The following RELN variants were observed in gnomAD, a reference collection of about 807,000 sequenced individuals.
RELN encodes reelin.
RELN carries 108 observed loss-of-function variants against 427.6 expected under a neutral mutation model. The ratio of observed to expected loss-of-function variants is 0.25; its 90% confidence interval spans 0.22 to 0.30. The LOEUF (loss-of-function observed/expected upper bound fraction) is 0.30, where lower values mean the gene tolerates loss of function less well. RELN is among the 10% of genes least tolerant of loss of function. RELN has a pLI of 1.00. For synonymous variants in RELN, 1,524 were observed against 1,513.4 expected (o/e 1.01, Z -0.16); for missense variants, 3,715 against 4,302.8 (o/e 0.86, Z 3.82).
chr7:103,744,228 A>T (rs1390435676), intron 6 of RELN, among the ~76,000 whole-genome samples: 2 of 152,228 alleles, frequency 1.3e-5, no homozygotes, highest in African/African-American at 4.8e-5. Context: ...GAACAAAGAC[A>T]CAACATACCA....
intron 8 of RELN, among the ~76,000 whole-genome samples, chr7:103,717,594 A>C (rs542429500): frequency 5.2e-4 from 79 of 152,172 alleles, no homozygotes; most frequent in African/African-American, 1.9e-3. Context: ...ACACGTATTT[A>C]ACCTTATAAA....
chr7:103,566,284 C>A lies in RELN; in HGVS notation c.4876G>T (p.Gly1626Cys), dbSNP rs576837100. Reference sequence around the variant, plus strand: ...GAGAGACAGTCAATATCAACTTGACCTCCTTGGATTCGATACCAGTTGGCT... The same window carrying A: ...GAGAGACAGTCAATATCAACTTGACATCCTTGGATTCGATACCAGTTGGCT... Reference protein sequence around the residue: ...LQANWYRIQGGQVDIDCLSMD... With the variant: ...LQANWYRIQGCQVDIDCLSMD... The change falls in exon 33 of 65, where the codon GGT becomes TGT. Residue 1626 changes from glycine to cysteine, a missense_variant. Physicochemically the swap from Gly to Cys is radical, Grantham distance 159 (BLOSUM62 -3). Coordinates refer to ENST00000428762, the MANE Select transcript of RELN (RefSeq NM_005045.4). The A allele has an allele frequency of 6.2e-7, 1 of 1,613,840 alleles. No individual in the cohort carries two copies. Among genetic ancestry groups the A allele is most frequent in the Admixed American group, 1.7e-5 (1 of 59,988 alleles).
At chr7:103,487,025 G>C (rs895473757) in intron 60 of RELN, among the ~76,000 whole-genome samples, 2 of 152,196 alleles carry the variant, frequency 1.3e-5, no homozygotes, top group Non-Finnish European at 2.9e-5. Flanking sequence ...ATCAATGTTA[G>C]ACTGGATAAA....
intron 46 of RELN, among the ~76,000 whole-genome samples, chr7:103,524,052 A>G (rs1829767921): frequency 6.6e-6 from 1 of 152,200 alleles, no homozygotes; most frequent in Admixed American, 6.5e-5. Context: ...TAGTTTGATC[A>G]TACAATTTGG....
rs1481853229 is a variant in RELN, at chr7:103,603,373, C to G, written c.3264G>C (p.Gly1088=). 2.5e-6 allele frequency: 4 copies of G among 1,613,722 alleles called. No homozygotes were observed. The highest frequency in any genetic ancestry group is 4.5e-5 in the East Asian group (2 of 44,884). Residue 1088 remains glycine (G), a synonymous_variant, in exon 24 of 65, where the codon GGG becomes GGC. Coordinates refer to ENST00000428762, the MANE Select transcript of RELN (RefSeq NM_005045.4). The surrounding 1 kb of genome is among the most constrained non-coding windows in gnomAD (Gnocchi z 4.3). ...GWESDWQEVI[G]GEIVKPEQGC... ...CTTGTTCTGGTTTTACAATTTCTCC[C>G]CCAATAACTTCTTGCCAGTCAGACT...
intron 1 of RELN, among the ~76,000 whole-genome samples, chr7:103,969,400 TAG>T (rs1190885275): frequency 6.6e-6 from 1 of 152,222 alleles, no homozygotes; most frequent in Non-Finnish European, 1.5e-5. Context: ...TAAAAACATT[TAG>T]AGAGTTCAGT....
At chr7:103,916,248 C>T (rs10274911) in intron 2 of RELN, among the ~76,000 whole-genome samples, 35,842 of 151,988 alleles carry the variant, frequency 0.24, 4,934 homozygotes, top group African/African-American at 0.37. Context: ...ATTTATTTGA[C>T]AAACATCATA....
At chr7:103,759,714 C>T (rs1271534228) in intron 4 of RELN, among the ~76,000 whole-genome samples, 1 of 152,122 alleles carries the variant, frequency 6.6e-6, no homozygotes. Context: ...TAAAGTGCAA[C>T]TAATGTATTG....
At chr7:103,736,987 AAAGAG>A (rs1276208157) in intron 6 of RELN, among the ~76,000 whole-genome samples, 1 of 152,206 alleles carries the variant, frequency 6.6e-6, no homozygotes, top group Admixed American at 6.5e-5. Context: ...GTTATTAACA[AAAGAG>A]AAGAAAAAGT....
At chr7:103,699,132 C>A (rs1455627408) in intron 9 of RELN, among the ~76,000 whole-genome samples, 1 of 152,018 alleles carries the variant, frequency 6.6e-6, no homozygotes, top group African/African-American at 2.4e-5. Context: ...TAGAAACCTG[C>A]TGTAGTAAAA....
At position 103,587,756 on chromosome 7, in the gene RELN, T is replaced by C. The variant is rs146620403; in HGVS notation, c.4145+1840A>G. 2.1e-3 allele frequency among the ~76,000 whole-genome samples: 314 copies of C among 152,088 alleles called. 1 individual carries two copies. Among genetic ancestry groups the C allele is most frequent in the Non-Finnish European group, 3.5e-3 (240 of 67,936 alleles). On this transcript the variant is annotated intron_variant, in intron 28 of 64. Transcript: ENST00000428762. The stretch of plus-strand genomic sequence containing the variant: ...CATTTCTCAAAAGAAGACATACAAA[T>C]GTGAAAAGGTATATGAAAAAATGTC...
chr7:103,862,665 C>T (rs923122088), intron 2 of RELN, among the ~76,000 whole-genome samples: 1 of 152,012 alleles, frequency 6.6e-6, no homozygotes. Flanking sequence ...TACATTTCTA[C>T]TGAAATAAAA....
intron 45 of RELN, among the ~76,000 whole-genome samples, chr7:103,536,881 C>G (rs1227970665): frequency 1.3e-5 from 2 of 152,134 alleles, no homozygotes; most frequent in African/African-American, 2.4e-5. Context: ...CTGGCACGTG[C>G]TGGATGCTGG....
Position 103,519,124 on chromosome 7 carries a change from G to C in RELN, c.7862+199C>G, listed in dbSNP as rs12672733. ...TGGTAGAATATTTCATCTTATTCTGGGATGTGAAAACTAGTTGTTCTTAAA... is the reference window on the plus strand; with the variant it reads ...TGGTAGAATATTTCATCTTATTCTGCGATGTGAAAACTAGTTGTTCTTAAA... On this transcript the variant is annotated intron_variant, in intron 49 of 64. Coordinates refer to ENST00000428762, the MANE Select transcript of RELN (RefSeq NM_005045.4). Among the ~76,000 whole-genome samples the C allele has an allele frequency of 0.053, 8,077 of 152,102 alleles. 249 individuals are homozygous for C. The highest frequency in any genetic ancestry group is 0.1 in the South Asian group (491 of 4,806).
At chr7:103,843,931 G>T (rs1190467325) in intron 2 of RELN, among the ~76,000 whole-genome samples, 1 of 152,140 alleles carries the variant, frequency 6.6e-6, no homozygotes. Flanking sequence ...CTTAACAGCT[G>T]CATGGTGGTA....
At chr7:103,695,773 T>C (rs1389529226) in intron 10 of RELN, among the ~76,000 whole-genome samples, 1 of 152,122 alleles carries the variant, frequency 6.6e-6, no homozygotes, top group Non-Finnish European at 1.5e-5. Flanking sequence ...CAGCAGAAAT[T>C]CCTCTTTTAA....
intron 1 of RELN, among the ~76,000 whole-genome samples, chr7:103,952,538 T>C (rs376205478): frequency 7.9e-5 from 11 of 139,306 alleles, no homozygotes; most frequent in Admixed American, 4.9e-4. Flanking sequence ...CACACATACA[T>C]ACATACTCTC....
At chr7:103,845,525 T>C (rs1027914251) in intron 2 of RELN, among the ~76,000 whole-genome samples, 1 of 152,224 alleles carries the variant, frequency 6.6e-6, no homozygotes, top group African/African-American at 2.4e-5. Flanking sequence ...TACTGGCTGC[T>C]GTCATATCTG....
rs1463986282 is a variant in RELN at position 103,909,696 on chromosome 7, TATTTAATATATA to T, written c.337+7367_337+7378del. 7.4e-5 allele frequency among the ~76,000 whole-genome samples: 5 copies of T among 67,178 alleles called. 1 individual carries two copies. The highest frequency in any genetic ancestry group is 3.9e-4 in the African/African-American group (5 of 12,860). 44.1% of individuals were successfully genotyped at this position (67,178 alleles called of 152,430 possible). A position where few individuals can be genotyped will look rare whatever the true frequency, so the allele number is the denominator to read the frequency against. On this transcript the variant is annotated intron_variant, in intron 2 of 64. Transcript: ENST00000428762. ...ATTAAATATATTTAATAAATATATA[TATTTAATATATA>T]TAAATATATATTAAATATATTTTTT...
Sources: gnomAD v4.1 joint callset for allele counts (sites outside exome capture counted in the v4.1 genomes callset) on GRCh38, gnomAD v4.1.1 for gene constraint, Gnocchi (gnomAD v3.1) non-coding constraint, MANE v1.5 for transcripts, NCBI Gene and HGNC (gene_info 2026-07-23, HGNC 2026-07-21) for gene names.